The following FNIP1 variants were observed in gnomAD, a reference collection of about 807,000 sequenced individuals.
FNIP1 encodes folliculin-interacting protein 1.
In FNIP1, 40 loss-of-function variants were observed where a neutral mutation model predicts 124.5. The observed-to-expected ratio is 0.32, with a 90% confidence interval of 0.25 to 0.42. The LOEUF (loss-of-function observed/expected upper bound fraction) is 0.42. Among genes scored for constraint, FNIP1 ranks in the 10% least tolerant of loss-of-function variants. FNIP1 has a pLI of 1.00. For synonymous variants in FNIP1, 472 were observed against 470.6 expected (o/e 1.00, Z -0.04); for missense variants, 1,176 against 1,403.7 (o/e 0.84, Z 2.59).
chr5:131,750,547 T>A (rs553824248), intron 1 of FNIP1, among the ~76,000 whole-genome samples: 1 of 151,144 alleles, frequency 6.6e-6, no homozygotes, highest in Non-Finnish European at 1.5e-5. Flanking sequence ...GGTAAGTCAA[T>A]AGACTATGAT....
intron 3 of FNIP1, among the ~76,000 whole-genome samples, chr5:131,723,175 A>T (rs558706747): frequency 6.6e-6 from 1 of 152,304 alleles, no homozygotes; most frequent in South Asian, 2.1e-4. Flanking sequence ...CTATTTAAAA[A>T]ATCAATGCCA....
intron 7 of FNIP1, among the ~76,000 whole-genome samples, chr5:131,710,053 G>A (rs967941513): frequency 6.6e-6 from 1 of 152,192 alleles, no homozygotes; most frequent in Admixed American, 6.5e-5. Context: ...ACTTGATTAT[G>A]TAAGCAAATA....
Position 131,643,499 on chromosome 5 carries a change from CA to C in FNIP1, c.*1185del, listed in dbSNP as rs1180113901. The C allele has an allele frequency of 6.6e-6, 1 of 152,584 alleles. No individual in the cohort carries two copies. The highest frequency in any genetic ancestry group is 1.5e-5 in the Non-Finnish European group (1 of 68,014). 9.5% of individuals were successfully genotyped at this position (152,584 alleles called of 1,614,324 possible). On this transcript the variant is annotated 3_prime_UTR_variant, in exon 18 of 18. Coordinates refer to ENST00000510461, the MANE Select transcript of FNIP1 (RefSeq NM_133372.3). ...AGTAGAAAGTATTGAAAACTTTATC[CA>C]CCCACCTTTCTATTTACATTACTTA... is the stretch of plus-strand genomic sequence containing the variant.
intron 1 of FNIP1, among the ~76,000 whole-genome samples, chr5:131,768,465 GTT>G (rs34123871): frequency 0.62 from 92,715 of 148,366 alleles, 30,646 homozygotes; most frequent in Non-Finnish European, 0.76. Context: ...GTCATACACA[GTT>G]TTTTTTTTTT....
chr5:131,694,435 A>G (rs940343402), intron 11 of FNIP1, among the ~76,000 whole-genome samples: 3 of 152,186 alleles, frequency 2.0e-5, no homozygotes, highest in Non-Finnish European at 4.4e-5. Flanking sequence ...CAACACCACC[A>G]CCACCACCAA....
At chr5:131,718,849 C>G (rs1307922079) in intron 5 of FNIP1, 137 bp downstream of exon 5, 2 of 590,894 alleles carry the variant, frequency 3.4e-6, no homozygotes, top group Non-Finnish European at 6.0e-6. Flanking sequence ...AGAGTGAAAT[C>G]TGGCTTCCAT....
chr5:131,785,049 C>CA (rs1554100675), intron 1 of FNIP1, among the ~76,000 whole-genome samples: 6 of 30,020 alleles, frequency 2.0e-4, no homozygotes, highest in Admixed American at 4.2e-4. Flanking sequence ...ATATATATGA[C>CA]TATATATATC....
intron 1 of FNIP1, among the ~76,000 whole-genome samples, chr5:131,770,396 T>C (rs1771589485): frequency 6.6e-6 from 1 of 152,222 alleles, no homozygotes; most frequent in South Asian, 2.1e-4. Context: ...ACAAGCACTG[T>C]CTTTCAGTGG....
intron 11 of FNIP1, among the ~76,000 whole-genome samples, chr5:131,697,989 A>C (rs910939284): frequency 1.3e-5 from 2 of 148,706 alleles, no homozygotes; most frequent in Admixed American, 1.3e-4. Flanking sequence ...AAAAAAAAAA[A>C]GAAAGAAAAA....
chr5:131,708,885 T>C (rs973078618), intron 8 of FNIP1, among the ~76,000 whole-genome samples: 1 of 149,908 alleles, frequency 6.7e-6, no homozygotes, highest in African/African-American at 2.5e-5. Context: ...AGCAAGCAAA[T>C]ATAAGCAAAC....
intron 2 of FNIP1, among the ~76,000 whole-genome samples, chr5:131,733,556 C>T (rs577584842): frequency 6.6e-6 from 1 of 152,240 alleles, no homozygotes; most frequent in East Asian, 1.9e-4. Flanking sequence ...TGAATTTTGT[C>T]AAAGGCCTTT....
chr5:131,698,935 T>C lies in FNIP1; in HGVS notation c.1184A>G (p.Asp395Gly), dbSNP rs1357191034. ...TATGTACCTGAATTCATTTAGGGCA[T>C]CAACTATTCGATTATATGCCAAACT... ...QRSLAYNRIVDALNEFRTTIC... is the reference protein window; with the variant it reads ...QRSLAYNRIVGALNEFRTTIC... Residue 395 changes from aspartate (D) to glycine (G), a missense_variant, in exon 11 of 18, where the codon GAT (aspartate) becomes GGT (glycine). Physicochemically the swap from Asp to Gly is moderately conservative, Grantham distance 94. Coordinates refer to ENST00000510461, the MANE Select transcript of FNIP1 (RefSeq NM_133372.3). 1 of 1,611,200 alleles carries C rather than the reference T, an allele frequency of 6.2e-7. No homozygotes were observed. Among genetic ancestry groups the C allele is most frequent in the East Asian group, 2.2e-5 (1 of 44,700 alleles).
intron 10 of FNIP1, among the ~76,000 whole-genome samples, chr5:131,700,929 C>T (rs192398669): frequency 7.9e-4 from 120 of 152,212 alleles, no homozygotes; most frequent in Middle Eastern, 3.4e-3. Context: ...ATAAAAAATG[C>T]GATACTACAA....
At chr5:131,697,968 C>CAAAAAAAAAAAAAAAAAAAAAAA (rs753487190) in intron 11 of FNIP1, among the ~76,000 whole-genome samples, 2 of 58,774 alleles carry the variant, frequency 3.4e-5, no homozygotes, top group East Asian at 6.4e-4. Context: ...GACTCCACCT[C>CAAAAAAAAAAAAAAAAAAAAAAA]AAAAAAAAAA....
At chr5:131,760,853 G>A (rs1217049980) in intron 1 of FNIP1, among the ~76,000 whole-genome samples, 1 of 142,850 alleles carries the variant, frequency 7.0e-6, no homozygotes, top group Non-Finnish European at 1.5e-5. Context: ...TGAGTTTGAT[G>A]ACAGGAGGGA....
At chr5:131,766,222 A>G (rs1771419171) in intron 1 of FNIP1, among the ~76,000 whole-genome samples, 1 of 151,812 alleles carries the variant, frequency 6.6e-6, no homozygotes, top group Non-Finnish European at 1.5e-5. Context: ...AGTAGTGAGG[A>G]CTACAGAAAG....
chr5:131,687,952 T>C (rs1305837704), intron 11 of FNIP1, among the ~76,000 whole-genome samples: 1 of 152,190 alleles, frequency 6.6e-6, no homozygotes, highest in Non-Finnish European at 1.5e-5. Context: ...AACAAAGGTC[T>C]GCCCTCCAAA....
At position 131,710,499 on chromosome 5, in the gene FNIP1, C is replaced by G; in HGVS notation, c.706+79G>C. ...ACCTCACCAACTGCATTCATCTACT[C>G]TCTTGTTTCCACAGCTTAACTACAG... is the stretch of plus-strand genomic sequence containing the variant. On this transcript the variant is annotated intron_variant, in intron 7 of 17. Coordinates refer to ENST00000510461, the MANE Select transcript of FNIP1 (RefSeq NM_133372.3). 7.4e-6 allele frequency: 10 copies of G among 1,351,366 alleles called. No individual in the cohort carries two copies. The South Asian group carries it at 1.2e-4, about 16-fold the overall frequency. 83.7% of individuals were successfully genotyped at this position (1,351,366 alleles called of 1,614,324 possible).
At chr5:131,693,161 T>C (rs1015987097) in intron 11 of FNIP1, among the ~76,000 whole-genome samples, 3 of 149,168 alleles carry the variant, frequency 2.0e-5, no homozygotes, top group South Asian at 2.1e-4. Context: ...CGTGAGGTAA[T>C]AGATATGTTA....
Sources: gnomAD v4.1 joint callset for allele counts (sites outside exome capture counted in the v4.1 genomes callset) on GRCh38, gnomAD v4.1.1 for gene constraint, MANE v1.5 for transcripts, NCBI Gene and HGNC (gene_info 2026-07-23, HGNC 2026-07-21) for gene names.